The following DAPK2 variants were observed in gnomAD, a reference collection of about 807,000 sequenced individuals.
The protein encoded by DAPK2 is death associated protein kinase 2.
Under a neutral mutation model 44.1 loss-of-function variants are expected in DAPK2, and 35 were observed. The ratio of observed to expected loss-of-function variants is 0.79; its 90% CI spans 0.61 to 1.05. The LOEUF (loss-of-function observed/expected upper bound fraction) is 1.05, where lower values mean the gene tolerates loss of function less well. DAPK2 is among the 50% of genes least tolerant of loss of function. DAPK2 has a pLI of 0.00. For synonymous variants in DAPK2, 174 were observed against 182.6 expected, an observed-to-expected ratio of 0.95 and a Z score of 0.38; for missense variants, 453 against 483.2, an observed-to-expected ratio of 0.94 and a Z score of 0.59.
At chr15:64,040,256 G>A (rs2080317839) in exon 1 of DAPK2, 1 of 1,613,784 alleles carries the variant, frequency 6.2e-7, no homozygotes, top group Non-Finnish European at 8.5e-7. Context: ...TTGAGGCCTG[G>A]AACATACAAT....
intron 5 of DAPK2, 96 bp downstream of exon 6, chr15:63,930,311 G>A: frequency 8.5e-7 from 1 of 1,178,160 alleles, no homozygotes; most frequent in Non-Finnish European, 1.3e-6. Context: ...GGAGTAAGGG[G>A]CTTTCATGGT....
At chr15:63,968,962 C>T (rs1437672974) in intron 3 of DAPK2, among the ~76,000 whole-genome samples, 1 of 152,220 alleles carries the variant, frequency 6.6e-6, no homozygotes, top group Non-Finnish European at 1.5e-5. Context: ...TTGTCCACAG[C>T]AGTACCAGGA....
chr15:63,911,941 C>T (rs2078803614), exon 10 of DAPK2: 1 of 1,613,898 alleles, frequency 6.2e-7, no homozygotes, highest in South Asian at 1.1e-5. Context: ...GCACCTTCTT[C>T]ATCAGCGAGC....
intron 3 of DAPK2, among the ~76,000 whole-genome samples, chr15:63,950,552 A>G (rs2077559285): frequency 6.6e-6 from 1 of 152,200 alleles, no homozygotes; most frequent in African/African-American, 2.4e-5. Flanking sequence ...AGAAAAAAAC[A>G]ACTATTAGAA....
rs935425521 is a variant in DAPK2 at position 63,966,331 on chromosome 15, C to G, written c.453+5092G>C. 2.6e-5 allele frequency among the ~76,000 whole-genome samples: 4 copies of G among 152,180 alleles called. No homozygotes were observed. Among genetic ancestry groups the G allele is most frequent in the Non-Finnish European group, 4.4e-5 (3 of 68,020 alleles). On this transcript the variant is annotated intron_variant, in intron 3 of 10. Transcript: ENST00000261891. This position sits in a 1 kb window ranked among gnomAD's most constrained non-coding sequence, Gnocchi z 5.5. ...CAAGATGAAGTCCTCTTCACTTTTC[C>G]CTCTTTTCTCCTCAAGTGGAGGGAA...
chr15:64,027,885 C>A (rs1049268664), intron 1 of DAPK2, among the ~76,000 whole-genome samples: 1 of 152,124 alleles, frequency 6.6e-6, no homozygotes, highest in Non-Finnish European at 1.5e-5. Context: ...GGAATACACC[C>A]AACCAAAATA....
intron 3 of DAPK2, among the ~76,000 whole-genome samples, chr15:63,944,392 G>A (rs1045983980): frequency 6.6e-6 from 1 of 152,120 alleles, no homozygotes; most frequent in Non-Finnish European, 1.5e-5. Context: ...GGTACCTATA[G>A]GCTGGCCAGG....
At chr15:63,977,858 G>A (rs1452039754) in intron 2 of DAPK2, among the ~76,000 whole-genome samples, 1 of 152,192 alleles carries the variant, frequency 6.6e-6, no homozygotes, top group Non-Finnish European at 1.5e-5. Context: ...CTCAGCCCCA[G>A]TTCACCATGT....
intron 2 of DAPK2, among the ~76,000 whole-genome samples, chr15:63,977,132 T>G (rs2078374742): frequency 1.3e-5 from 2 of 151,912 alleles, no homozygotes; most frequent in Admixed American, 1.3e-4. Context: ...GGTGAAAGGG[T>G]GAAGAGAGAC....
intron 1 of DAPK2, among the ~76,000 whole-genome samples, chr15:63,988,608 G>A (rs917661378): frequency 6.6e-6 from 1 of 150,798 alleles, no homozygotes; most frequent in African/African-American, 2.4e-5. Flanking sequence ...GGGTTTAAGT[G>A]ATTCTCCTGC....
intron 3 of DAPK2, among the ~76,000 whole-genome samples, chr15:63,949,245 G>T (rs2077527427): frequency 6.6e-6 from 1 of 152,200 alleles, no homozygotes. Flanking sequence ...GCCACTGTGT[G>T]GCTCTGACCT....
rs547335895 is a variant in DAPK2 at position 64,021,502 on chromosome 15, C to T, written c.92+18668G>A. 4.6e-5 allele frequency among the ~76,000 whole-genome samples: 7 copies of T among 152,334 alleles called. No individual in the cohort carries two copies. The South Asian group carries it at 1.0e-3, about 23-fold the overall frequency. On this transcript the variant is annotated intron_variant, in intron 1 of 10. Coordinates refer to ENST00000261891, the Ensembl canonical transcript of DAPK2. ...TTGGGGCCTCAAAGCTGGCTAAGCA[C>T]AGCTGATGGCTTTACCAGCCCCTGT...
intron 1 of DAPK2, among the ~76,000 whole-genome samples, chr15:64,017,430 C>T (rs998090039): frequency 4.6e-5 from 7 of 152,328 alleles, no homozygotes; most frequent in African/African-American, 1.2e-4. Context: ...GCTGTCCAAC[C>T]CTCCACCGAG....
chr15:63,998,748 A>C (rs533669765), intron 1 of DAPK2, among the ~76,000 whole-genome samples: 32 of 152,146 alleles, frequency 2.1e-4, no homozygotes, highest in Non-Finnish European at 4.0e-4. Context: ...TGTTCTGTCT[A>C]CTTCCCGGAA....
intron 6 of DAPK2, 83 bp downstream of exon 7, chr15:63,929,468 G>C (rs1334171781): frequency 1.3e-6 from 2 of 1,560,066 alleles, no homozygotes; most frequent in Non-Finnish European, 1.8e-6. Context: ...GTAAATGTCA[G>C]TCTATCAGCC....
chr15:63,987,349 G>T (rs2078694571), intron 1 of DAPK2, among the ~76,000 whole-genome samples: 2 of 152,190 alleles, frequency 1.3e-5, no homozygotes, highest in Admixed American at 1.3e-4. Context: ...TGGGTGGGAG[G>T]CGAGGGTCTG....
chr15:64,021,831 A>G (rs555459260), intron 1 of DAPK2, among the ~76,000 whole-genome samples: 1 of 152,322 alleles, frequency 6.6e-6, no homozygotes, highest in South Asian at 2.1e-4. Context: ...GGAAGACAAG[A>G]AGAGACAGGA....
chr15:63,932,083 C>A (rs2076972023), intron 4 of DAPK2, among the ~76,000 whole-genome samples: 1 of 149,982 alleles, frequency 6.7e-6, no homozygotes. Context: ...ATGAGAATTG[C>A]TTGAACCTGG....
chr15:63,975,064 T>TA (rs1310907592), intron 2 of DAPK2, among the ~76,000 whole-genome samples: 5 of 152,308 alleles, frequency 3.3e-5, no homozygotes, highest in Admixed American at 2.0e-4. Context: ...GAGAGGGGTC[T>TA]ATTCAGTTGG....
Sources: gnomAD v4.1 joint callset for allele counts (sites outside exome capture counted in the v4.1 genomes callset) on GRCh38, gnomAD v4.1.1 for gene constraint, Gnocchi (gnomAD v3.1) non-coding constraint, MANE v1.5 for transcripts, NCBI Gene and HGNC (gene_info 2026-07-23, HGNC 2026-07-21) for gene names.